Variants in GIGYF2 observed in about 807,000 individuals in gnomAD.
The protein encoded by GIGYF2 is GRB10-interacting GYF protein 2.
Under a neutral mutation model 208.1 loss-of-function variants are expected in GIGYF2, and 25 were observed. The ratio of observed to expected loss-of-function variants is 0.12; its 90% CI spans 0.09 to 0.17. The LOEUF (loss-of-function observed/expected upper bound fraction) is 0.17, where lower values mean the gene tolerates loss of function less well. Ranked by LOEUF, GIGYF2 falls within the 10% of genes least tolerant of loss-of-function variation. GIGYF2 has a pLI of 1.00. For synonymous variants in GIGYF2, 534 were observed against 543.8 expected (o/e 0.98, Z 0.25); for missense variants, 1,302 against 1,579.4 (o/e 0.82, Z 2.98).
chr2:232,761,794 A>G (rs1024112505), intron 8 of GIGYF2, among the ~76,000 whole-genome samples: 1 of 151,170 alleles, frequency 6.6e-6, no homozygotes, highest in African/African-American at 2.4e-5. Context: ...GGCCAAAACT[A>G]TGAATGTTCT....
chr2:232,700,392 T>G (rs747276594), intron 1 of GIGYF2, among the ~76,000 whole-genome samples: 2 of 152,248 alleles, frequency 1.3e-5, no homozygotes, highest in African/African-American at 2.4e-5. Flanking sequence ...CATTGGAAGA[T>G]GACACTGTTG....
intron 22 of GIGYF2, 35 bp from the exon 23 acceptor site, chr2:232,839,814 C>T (rs1265846073): frequency 6.2e-7 from 1 of 1,612,458 alleles, no homozygotes; most frequent in Admixed American, 1.7e-5. Context: ...GTCCACATTT[C>T]CTCATGAACT....
intron 2 of GIGYF2, among the ~76,000 whole-genome samples, chr2:232,731,655 G>T (rs1287965791): frequency 6.6e-6 from 1 of 152,202 alleles, no homozygotes; most frequent in Non-Finnish European, 1.5e-5. Context: ...TGTTGTGTAA[G>T]CAGTGATGCC....
At chr2:232,769,124 G>A (rs1001431318) in intron 8 of GIGYF2, among the ~76,000 whole-genome samples, 1 of 152,032 alleles carries the variant, frequency 6.6e-6, no homozygotes, top group African/African-American at 2.4e-5. Context: ...TCCTGCCTGT[G>A]CTTAAAAAAA....
chr2:232,843,437 C>T (rs990463247), intron 23 of GIGYF2, among the ~76,000 whole-genome samples: 7 of 151,646 alleles, frequency 4.6e-5, no homozygotes, highest in Admixed American at 1.3e-4. Flanking sequence ...GTGGCAGGCG[C>T]CTGTAATCCC....
At chr2:232,767,769 A>G in intron 8 of GIGYF2, 1 of 223,652 alleles carries the variant, frequency 4.5e-6, no homozygotes, top group Non-Finnish European at 9.0e-6. Context: ...AAGTATAGTG[A>G]AGTCGTCATT....
At chr2:232,766,186 G>A (rs2106331839) in intron 8 of GIGYF2, among the ~76,000 whole-genome samples, 1 of 152,256 alleles carries the variant, frequency 6.6e-6, no homozygotes, top group Middle Eastern at 3.4e-3. Flanking sequence ...CTGCAAAAAA[G>A]TTTTGGATCA....
chr2:232,800,010 A>G (rs1300354307), intron 14 of GIGYF2, among the ~76,000 whole-genome samples: 10 of 148,756 alleles, frequency 6.7e-5, no homozygotes, highest in Non-Finnish European at 1.5e-4. Flanking sequence ...AGTTCTCTAT[A>G]TATTCTGGAT....
At chr2:232,840,917 G>GTCATGT (rs1701794802) in intron 23 of GIGYF2, among the ~76,000 whole-genome samples, 2 of 152,244 alleles carry the variant, frequency 1.3e-5, no homozygotes, top group Admixed American at 1.3e-4. Context: ...TTGGATCTGG[G>GTCATGT]TCATGTGGTT....
chr2:232,829,340 C>T (rs146191282), intron 21 of GIGYF2, among the ~76,000 whole-genome samples: 1,804 of 152,094 alleles, frequency 0.012, 40 homozygotes, highest in Admixed American at 0.058. Flanking sequence ...GGTGTTTGCA[C>T]GGTATATATT....
chr2:232,843,637 G>A (rs1032459322), intron 23 of GIGYF2, among the ~76,000 whole-genome samples: 4 of 151,006 alleles, frequency 2.6e-5, no homozygotes, highest in Non-Finnish European at 4.4e-5. Context: ...ACTTTGGGAA[G>A]CCGAGGTGGG....
intron 14 of GIGYF2, among the ~76,000 whole-genome samples, chr2:232,802,040 A>T (rs1385638733): frequency 3.3e-5 from 5 of 152,070 alleles, no homozygotes; most frequent in Non-Finnish European, 5.9e-5. Context: ...TGTAAGGGGA[A>T]TTTTTTTCTA....
At chr2:232,745,247 TC>T (rs1303581557) in intron 3 of GIGYF2, among the ~76,000 whole-genome samples, 3 of 152,238 alleles carry the variant, frequency 2.0e-5, no homozygotes, top group Non-Finnish European at 2.9e-5. Flanking sequence ...CAGTGAGCAG[TC>T]CCAGAACCCA....
intron 2 of GIGYF2, among the ~76,000 whole-genome samples, chr2:232,725,172 T>A (rs903500691): frequency 2.0e-5 from 3 of 152,204 alleles, no homozygotes; most frequent in African/African-American, 7.2e-5. Context: ...GTAACTATCC[T>A]CAGTCATCTT....
At chr2:232,795,861 C>T (rs974344775) in intron 13 of GIGYF2, among the ~76,000 whole-genome samples, 1 of 152,168 alleles carries the variant, frequency 6.6e-6, no homozygotes, top group Non-Finnish European at 1.5e-5. Flanking sequence ...CTTGGCATCT[C>T]TGAGCTTTAG....
intron 14 of GIGYF2, among the ~76,000 whole-genome samples, chr2:232,802,921 A>G (rs1408020226): frequency 1.4e-5 from 2 of 148,080 alleles, no homozygotes; most frequent in Non-Finnish European, 1.5e-5. Context: ...TTTTTTAAAG[A>G]CAGAGTCTAG....
At chr2:232,850,518 T>C in intron 28 of GIGYF2, 109 bp downstream of exon 28, 1 of 1,059,418 alleles carries the variant, frequency 9.4e-7, no homozygotes, top group South Asian at 1.3e-5. Flanking sequence ...AATATTTCTT[T>C]TTATCAATAA....
chr2:232,759,246 A>G (rs1244520570), intron 6 of GIGYF2, among the ~76,000 whole-genome samples: 7 of 152,192 alleles, frequency 4.6e-5, no homozygotes, highest in Non-Finnish European at 1.0e-4. Flanking sequence ...TTTGGGATGC[A>G]TTCATCAAGA....
At chr2:232,728,414 A>C (rs558897482) in intron 2 of GIGYF2, among the ~76,000 whole-genome samples, 2 of 152,356 alleles carry the variant, frequency 1.3e-5, no homozygotes, top group South Asian at 4.1e-4. Context: ...ACATGCATTA[A>C]TAGAGTTTGG....
Sources: gnomAD v4.1 joint callset for allele counts (sites outside exome capture counted in the v4.1 genomes callset) on GRCh38, gnomAD v4.1.1 for gene constraint, MANE v1.5 for transcripts, NCBI Gene and HGNC (gene_info 2026-07-23, HGNC 2026-07-21) for gene names.